The following RYR3 variants were observed in gnomAD, a reference collection of about 807,000 sequenced individuals.
RYR3 encodes the protein ryanodine receptor 3, also known as brain ryanodine receptor-calcium release channel.
RYR3 carries 207 observed loss-of-function variants against 584.3 expected under a neutral mutation model. That is an observed-to-expected ratio of 0.35 (90% confidence interval 0.32 to 0.40). RYR3 has a LOEUF of 0.40. Among genes scored for constraint, RYR3 ranks in the 10% least tolerant of loss-of-function variants. The probability of loss-of-function intolerance (pLI) is 1.00; values close to 1 mark genes in which losing one functional copy is unlikely to be tolerated. For missense variants in RYR3, 5,616 were observed against 6,089.2 expected, an observed-to-expected ratio of 0.92 and a Z score of 2.59; for synonymous variants, 2,416 against 2,248.5, an observed-to-expected ratio of 1.07 and a Z score of -2.11.
intron 65 of RYR3, among the ~76,000 whole-genome samples, chr15:33,781,597 C>A (rs539806714): frequency 6.6e-6 from 1 of 152,116 alleles, no homozygotes; most frequent in Non-Finnish European, 1.5e-5. Flanking sequence ...TATTCCCACT[C>A]GCTTCTTGTT....
chr15:33,601,279 G>T, intron 16 of RYR3, 140 bp from the exon 17 acceptor site: 4 of 781,502 alleles, frequency 5.1e-6, no homozygotes, highest in Admixed American at 2.7e-5. Flanking sequence ...AAGAGGCAAA[G>T]CTTCCTTGGC....
intron 70 of RYR3, among the ~76,000 whole-genome samples, chr15:33,809,657 G>A (rs554568027): frequency 1.6e-4 from 24 of 148,476 alleles, no homozygotes; most frequent in Admixed American, 1.4e-3. Flanking sequence ...TGTTGTTGAG[G>A]CCGAGTCTTG....
chr15:33,608,526 C>T (rs150451583), intron 18 of RYR3, among the ~76,000 whole-genome samples: 7 of 152,318 alleles, frequency 4.6e-5, no homozygotes, highest in Non-Finnish European at 1.0e-4. Context: ...AGGTGTACGT[C>T]GTCAGATGAC....
chr15:33,554,901 G>A (rs2056965058), intron 10 of RYR3, among the ~76,000 whole-genome samples: 1 of 152,192 alleles, frequency 6.6e-6, no homozygotes, highest in Non-Finnish European at 1.5e-5. Flanking sequence ...AATTAATAAT[G>A]TTAAAGCAGG....
At position 33,562,275 on chromosome 15, in the gene RYR3, G is replaced by A. The variant is rs377491527; in HGVS notation, c.973-562G>A. On this transcript the variant is annotated intron_variant, in intron 10 of 103. Transcript: ENST00000634891. Reference sequence around the variant, plus strand: ...TTGACTACAACACACCACTGAGGAGGCCCTAAGAGACTGATACACAAATTA... The same window carrying A: ...TTGACTACAACACACCACTGAGGAGACCCTAAGAGACTGATACACAAATTA... Among the ~76,000 whole-genome samples the A allele has an allele frequency of 3.1e-3, 476 of 152,302 alleles. 2 individuals are homozygous for A. Among genetic ancestry groups the A allele is most frequent in the African/African-American group, 0.011 (450 of 41,560 alleles).
At chr15:33,378,639 A>G (rs112937146) in intron 1 of RYR3, among the ~76,000 whole-genome samples, 2,104 of 152,310 alleles carry the variant, frequency 0.014, 49 homozygotes, top group African/African-American at 0.047. Context: ...CAGTCATCAG[A>G]AGTTATTATT....
At position 33,660,463 on chromosome 15, in the gene RYR3, G is replaced by A. The variant is rs1310149784; in HGVS notation, c.4622+40G>A. On this transcript the variant is annotated intron_variant, in intron 34 of 103. Transcript: ENST00000634891. ...CGCGAAGGAAGGGGCAGGCCTGAGG[G>A]GCAGGTGAGGCAGAGCCAAGCCAGC... The A allele has an allele frequency of 2.9e-6, 4 of 1,396,194 alleles. No homozygotes were observed. The East Asian group carries it at 1.0e-4, about 35-fold the overall frequency. The allele number at this position is 1,396,194 out of a possible 1,614,324, so 86.5% of individuals were successfully genotyped here.
chr15:33,827,105 A>G (rs2077416140), intron 84 of RYR3, 94 bp from the exon 85 acceptor site: 19 of 1,042,862 alleles, frequency 1.8e-5, no homozygotes, highest in Non-Finnish European at 2.5e-5. Flanking sequence ...AAGCCTTTTC[A>G]CATAGAATGT....
At chr15:33,394,400 G>C (rs1331063072) in intron 1 of RYR3, among the ~76,000 whole-genome samples, 1 of 152,214 alleles carries the variant, frequency 6.6e-6, no homozygotes, top group East Asian at 1.9e-4. Flanking sequence ...TCTGAGTCCA[G>C]TGATCTGAAA....
At chr15:33,488,466 C>G (rs1297228582) in intron 2 of RYR3, among the ~76,000 whole-genome samples, 3 of 62,230 alleles carry the variant, frequency 4.8e-5, no homozygotes, top group African/African-American at 1.2e-4. Flanking sequence ...TTTTTTTTTT[C>G]TGTGATTAGA....
intron 20 of RYR3, among the ~76,000 whole-genome samples, chr15:33,624,292 C>A (rs1186356137): frequency 1.3e-5 from 2 of 152,086 alleles, no homozygotes; most frequent in Non-Finnish European, 2.9e-5. Context: ...AATTCTCAAC[C>A]AAGTTAAAGA....
chr15:33,865,246 G>A lies in RYR3; in HGVS notation c.*20G>A, dbSNP rs117474814. On this transcript the variant is annotated 3_prime_UTR_variant, in exon 104 of 104. Transcript: ENST00000634891. ...GGATAAATCTGAATCAAAGAAGCGC[G>A]ACAATTCTGGACAGTCAACTTCCCA... 124 of 1,542,728 alleles carry A rather than the reference G, an allele frequency of 8.0e-5. No homozygotes were observed. In the East Asian group the frequency reaches 2.2e-3, roughly 27 times the overall value.
chr15:33,369,992 A>G (rs1488722722), intron 1 of RYR3, among the ~76,000 whole-genome samples: 1 of 152,186 alleles, frequency 6.6e-6, no homozygotes, highest in Non-Finnish European at 1.5e-5. Context: ...AATGCTCATC[A>G]ATGTATATGT....
intron 18 of RYR3, among the ~76,000 whole-genome samples, chr15:33,604,155 A>G (rs571681574): frequency 6.6e-6 from 1 of 152,372 alleles, no homozygotes; most frequent in South Asian, 2.1e-4. Context: ...CGTCCCTTAT[A>G]GAAATCCCTT....
rs1407246825 is a variant in RYR3, at chr15:33,763,896, A to AAC, written c.8706-4761_8706-4760insCA. ...TGACAGAGCGAGACTTCATCTCAAA[A>AAC]AAAAAAAAAAAAAAAAAAAATCAGG... On this transcript the variant is annotated intron_variant, in intron 60 of 103. Transcript: ENST00000634891. Among the ~76,000 whole-genome samples, 693 of 127,074 alleles carry AAC rather than the reference A, an allele frequency of 5.5e-3. 11 individuals are homozygous for AAC. Among genetic ancestry groups the AAC allele is most frequent in the African/African-American group, 0.023 (663 of 28,970 alleles). 83.4% of individuals were successfully genotyped at this position (127,074 alleles called of 152,430 possible). A position where few individuals can be genotyped will look rare whatever the true frequency, so the allele number is the denominator to read the frequency against.
chr15:33,395,992 C>G (rs1175309325), intron 1 of RYR3, among the ~76,000 whole-genome samples: 1 of 152,190 alleles, frequency 6.6e-6, no homozygotes, highest in Non-Finnish European at 1.5e-5. Flanking sequence ...TTTTATCTGT[C>G]CTGCTGTGCC....
At chr15:33,342,518 A>G (rs949972481) in intron 1 of RYR3, among the ~76,000 whole-genome samples, 3 of 152,234 alleles carry the variant, frequency 2.0e-5, no homozygotes, top group African/African-American at 7.2e-5. Context: ...ATTAATAGGT[A>G]GGGTTTCCAT....
chr15:33,361,853 A>G (rs1974809939), intron 1 of RYR3, among the ~76,000 whole-genome samples: 1 of 152,206 alleles, frequency 6.6e-6, no homozygotes, highest in Admixed American at 6.5e-5. Flanking sequence ...GGGGCTTAGG[A>G]ATCTGCATTT....
At chr15:33,425,790 C>G (rs189596621) in intron 1 of RYR3, among the ~76,000 whole-genome samples, 4 of 151,772 alleles carry the variant, frequency 2.6e-5, no homozygotes, top group East Asian at 1.9e-4. Context: ...TACAGGCGCC[C>G]GCCACCACAC....
Sources: gnomAD v4.1 joint callset for allele counts (sites outside exome capture counted in the v4.1 genomes callset) on GRCh38, gnomAD v4.1.1 for gene constraint, MANE v1.5 for transcripts, NCBI Gene and HGNC (gene_info 2026-07-23, HGNC 2026-07-21) for gene names.